MS4A8: variants seen among roughly 807,000 people sequenced by gnomAD.
The protein encoded by MS4A8 is membrane-spanning 4-domains subfamily A member 8.
In MS4A8, 27 loss-of-function variants were observed where a neutral mutation model predicts 23.7. That is an observed-to-expected ratio of 1.14 (90% CI 0.84 to 1.57). The LOEUF is 1.57. Among genes scored for constraint, MS4A8 ranks in the 40% most tolerant of loss-of-function variants. The pLI, the probability that MS4A8 is intolerant of heterozygous loss-of-function variation, is 0.00. For missense variants in MS4A8, 301 were observed against 311.4 expected (o/e 0.97, Z 0.25); for synonymous variants, 138 against 126.3 (o/e 1.09, Z -0.62).
Position 60,713,722 on chromosome 11 carries a change from T to TGTTGGGCTGGGGGAC in MS4A8, c.535-1297_535-1283dup, listed in dbSNP as rs1464888828. The stretch of plus-strand genomic sequence containing the variant: ...CTCCTCAGCACAGACCCTTTACGGG[T>TGTTGGGCTGGGGGAC]GTTGGGCTGGGGGACGGTCAGGTCT... On this transcript the variant is annotated intron_variant, in intron 5 of 6. Coordinates refer to ENST00000300226, the MANE Select transcript of MS4A8 (RefSeq NM_031457.2). Among the ~76,000 whole-genome samples the TGTTGGGCTGGGGGAC allele has an allele frequency of 2.0e-5, 3 of 152,116 alleles. No homozygotes were observed. The South Asian group carries it at 6.2e-4, about 32-fold the overall frequency.
At chr11:60,704,027 A>G (rs1330558760) in intron 3 of MS4A8, among the ~76,000 whole-genome samples, 1 of 151,664 alleles carries the variant, frequency 6.6e-6, no homozygotes, top group African/African-American at 2.4e-5. Flanking sequence ...TTGGTGGGGG[A>G]TAGAGGGTGT....
Position 60,715,109 on chromosome 11 carries a change from A to G in MS4A8, c.623A>G (p.Gln208Arg). ...TGCGCATCTTCCCACTTTGGCTGCC[A>G]GTTGGTCTGCTGTCAATCAAGCAAT... The part of the protein sequence containing the change: ...IACASSHFGC[Q>R]LVCCQSSNVS... The change falls in exon 6 of 7, where the codon CAG becomes CGG. Residue 208 changes from glutamine to arginine, a missense_variant. Physicochemically the swap from Gln to Arg is conservative, Grantham distance 43. Coordinates refer to ENST00000300226, the MANE Select transcript of MS4A8 (RefSeq NM_031457.2). 6.2e-7 allele frequency: 1 copy of G among 1,613,962 alleles called. No homozygotes were observed. Among genetic ancestry groups the G allele is most frequent in the Non-Finnish European group, 8.5e-7 (1 of 1,179,882 alleles).
chr11:60,714,215 C>A (rs1267628448), intron 5 of MS4A8, among the ~76,000 whole-genome samples: 7 of 141,482 alleles, frequency 4.9e-5, no homozygotes, highest in African/African-American at 1.9e-4. Flanking sequence ...TGAGCCACCG[C>A]GCCCGGCCGG....
In MS4A8 at chr11:60,700,869, G is replaced by C. The variant is rs200962516; in HGVS notation, c.9G>C (p.Ser3=). 6.2e-7 allele frequency: 1 copy of C among 1,613,974 alleles called. No homozygotes were observed. The highest frequency in any genetic ancestry group is 1.7e-5 in the Admixed American group (1 of 59,996). The change falls in exon 2 of 7, where the codon TCG becomes TCC. Residue 3 remains serine (S), a synonymous_variant. Transcript: ENST00000300226. Reference sequence around the variant, plus strand: ...ATTTATTTCTTGGCAGCATGAATTCGATGACTTCAGCAGTTCCGGTGGCCA... The same window carrying C: ...ATTTATTTCTTGGCAGCATGAATTCCATGACTTCAGCAGTTCCGGTGGCCA... The part of the protein sequence containing the change: MN[S]MTSAVPVANS...
chr11:60,703,240 T>C, intron 2 of MS4A8, 138 bp from the exon 3 acceptor site: 1 of 1,075,890 alleles, frequency 9.3e-7, no homozygotes, highest in Non-Finnish European at 1.2e-6. Flanking sequence ...TACAGGTAGT[T>C]TTTATTTCAT....
At chr11:60,700,778 A>G (rs746063389) in intron 1 of MS4A8, 82 bp from the exon 2 acceptor site, 97 of 1,366,188 alleles carry the variant, frequency 7.1e-5, no homozygotes, top group Admixed American at 2.6e-4. Flanking sequence ...AGATGCTCCA[A>G]TGAGCTAGAA....
rs1346691776 is a variant in MS4A8 at position 60,707,028 on chromosome 11, A to T, written c.383A>T (p.Gln128Leu). Residue 128 changes from glutamine (Q) to leucine (L), a missense_variant, in exon 4 of 7, where the codon CAG becomes CTG. Gln to Leu is a moderately radical substitution (Grantham distance 113). Transcript: ENST00000300226. ...SGSLSVAAEN[Q>L]PYSYCLLSGS... ...TCTCTCTCCGTGGCAGCAGAAAATC[A>T]GCCATATTCTTATTGCCTGGTAAGT... 1 of 1,613,978 alleles carries T rather than the reference A, an allele frequency of 6.2e-7. No individual in the cohort carries two copies. Among genetic ancestry groups the T allele is most frequent in the African/African-American group, 1.3e-5 (1 of 74,930 alleles).
rs1241579147 is a variant in MS4A8 at position 60,701,846 on chromosome 11, TTGGTTAAGTCAGTGTAATATAC to T, written c.219+782_219+803del. Among the ~76,000 whole-genome samples the T allele has an allele frequency of 5.9e-5, 9 of 152,304 alleles. No individual in the cohort carries two copies. In the East Asian group the frequency reaches 1.7e-3, roughly 29 times the overall value. On this transcript the variant is annotated intron_variant, in intron 2 of 6. Transcript: ENST00000300226. ...ATATAATACCGGTTAAGTCAGTATATTGGTTAAGTCAGTGTAATATACTGGTTAAGTCAGTGCATCCAAAGAA... is the reference window on the plus strand; with the variant it reads ...ATATAATACCGGTTAAGTCAGTATATTGGTTAAGTCAGTGCATCCAAAGAA...
At chr11:60,714,438 A>G (rs904883867) in intron 5 of MS4A8, among the ~76,000 whole-genome samples, 6 of 152,186 alleles carry the variant, frequency 3.9e-5, no homozygotes, top group Admixed American at 6.5e-5. Context: ...TTCCTTCTAC[A>G]CAGACACAGT....
At chr11:60,699,886 T>G (rs2088186954) in intron 1 of MS4A8, 111 bp downstream of exon 1, 2 of 152,170 alleles carry the variant, frequency 1.3e-5, no homozygotes, top group Non-Finnish European at 2.9e-5. Context: ...GAGTGTATTG[T>G]ACTAGCTTTA....
Position 60,708,775 on chromosome 11 carries a change from G to C in MS4A8, c.528G>C (p.Trp176Cys). ...YAYPDYYPYA[W>C]GVNPGMAISG... ...ACCCCGACTATTATCCTTACGCCTG[G>C]GGTGTGGTGAGTATCCCTCTCAACC... Residue 176 changes from tryptophan (W) to cysteine (C), a missense_variant, in exon 5 of 7, where the codon TGG becomes TGC. Trp to Cys is a radical substitution (Grantham distance 215). Transcript: ENST00000300226. 4 of 1,613,936 alleles carry C rather than the reference G, an allele frequency of 2.5e-6. No homozygotes were observed. Among genetic ancestry groups the C allele is most frequent in the Non-Finnish European group, 1.7e-6 (2 of 1,179,884 alleles).
At position 60,715,022 on chromosome 11, in the gene MS4A8, A is replaced by T; in HGVS notation, c.536A>T (p.Asn179Ile). The T allele has an allele frequency of 6.2e-7, 1 of 1,613,032 alleles. No individual in the cohort carries two copies. Among genetic ancestry groups the T allele is most frequent in the Non-Finnish European group, 8.5e-7 (1 of 1,179,132 alleles). Reference protein sequence around the residue: ...PDYYPYAWGVNPGMAISGVLL... With the variant: ...PDYYPYAWGVIPGMAISGVLL... Reference sequence around the variant, plus strand: ...CCTCCCCATCTGCTCTGCCTACAGAACCCTGGAATGGCGATTTCTGGCGTG... The same window carrying T: ...CCTCCCCATCTGCTCTGCCTACAGATCCCTGGAATGGCGATTTCTGGCGTG... The change falls in exon 6 of 7, where the codon AAC (asparagine) becomes ATC (isoleucine). Residue 179 changes from asparagine to isoleucine, a missense_variant and splice_region_variant. Asn to Ile is a moderately radical substitution (Grantham distance 149). Transcript: ENST00000300226.
At chr11:60,710,831 T>G (rs937193643) in intron 5 of MS4A8, among the ~76,000 whole-genome samples, 1 of 152,174 alleles carries the variant, frequency 6.6e-6, no homozygotes, top group Non-Finnish European at 1.5e-5. Flanking sequence ...ACCTCCATGA[T>G]GTTTTCTCCA....
intron 5 of MS4A8, chr11:60,712,144 G>A (rs528374292): frequency 1.3e-4 from 33 of 253,358 alleles, no homozygotes; most frequent in South Asian, 7.7e-4. Flanking sequence ...TCTGTGATCC[G>A]TTGACTTAGA....
At chr11:60,715,243 G>T in intron 6 of MS4A8, 67 bp from the exon 7 acceptor site, 1 of 1,518,616 alleles carries the variant, frequency 6.6e-7, no homozygotes, top group Non-Finnish European at 9.1e-7. Flanking sequence ...TAGTTCCTCG[G>T]TGTCCGAGGC....
intron 5 of MS4A8, among the ~76,000 whole-genome samples, chr11:60,710,418 G>A (rs904759435): frequency 3.3e-5 from 5 of 152,052 alleles, no homozygotes; most frequent in Non-Finnish European, 7.4e-5. Flanking sequence ...CCAGTTGCTC[G>A]GGACAAAACC....
intron 4 of MS4A8, 90 bp from the exon 5 acceptor site, chr11:60,708,560 T>C: frequency 7.4e-7 from 1 of 1,358,340 alleles, no homozygotes; most frequent in Non-Finnish European, 9.8e-7. Flanking sequence ...TTTTAGAAAT[T>C]GGGGGGAAAA....
Position 60,715,024 on chromosome 11 carries a change from C to T in MS4A8, c.538C>T (p.Pro180Ser), listed in dbSNP as rs371762860. Residue 180 changes from proline (P) to serine (S), a missense_variant, in exon 6 of 7, where the codon CCT (proline) becomes TCT (serine). Pro to Ser is a moderately conservative substitution (Grantham distance 74). Coordinates refer to ENST00000300226, the MANE Select transcript of MS4A8 (RefSeq NM_031457.2). Reference sequence around the variant, plus strand: ...TCCCCATCTGCTCTGCCTACAGAACCCTGGAATGGCGATTTCTGGCGTGCT... The same window carrying T: ...TCCCCATCTGCTCTGCCTACAGAACTCTGGAATGGCGATTTCTGGCGTGCT... The part of the protein sequence containing the change: ...DYYPYAWGVN[P>S]GMAISGVLLV... The T allele has an allele frequency of 6.2e-7, 1 of 1,613,456 alleles. No individual in the cohort carries two copies. Among genetic ancestry groups the T allele is most frequent in the African/African-American group, 1.3e-5 (1 of 75,022 alleles).
rs1031526267 is a variant in MS4A8 at position 60,712,039 on chromosome 11, C to A, written c.535-2982C>A. 4 of 243,516 alleles carry A rather than the reference C, an allele frequency of 1.6e-5. No individual in the cohort carries two copies. In the East Asian group the frequency reaches 5.6e-4, roughly 34 times the overall value. 15.1% of individuals were successfully genotyped at this position (243,516 alleles called of 1,614,324 possible). ...AAAAATCTCAGCTGCTTGAGGGACC[C>A]CTTTTCCATGAAATATTTTATGTGT... On this transcript the variant is annotated intron_variant, in intron 5 of 6. Transcript: ENST00000300226.
Sources: allele counts gnomAD v4.1 joint callset (sites outside exome capture counted in the v4.1 genomes callset), GRCh38; gene constraint gnomAD v4.1.1; transcripts MANE v1.5; gene names NCBI Gene and HGNC (gene_info 2026-07-23, HGNC 2026-07-21).